MAD1L1: variants seen among roughly 807,000 people sequenced by gnomAD.
The protein encoded by MAD1L1 is mitotic spindle assembly checkpoint protein MAD1.
In MAD1L1, 95 loss-of-function variants were observed where a neutral mutation model predicts 96.9. The observed-to-expected ratio is 0.98, with a 90% CI of 0.83 to 1.16. MAD1L1 has a LOEUF of 1.16. MAD1L1 is among the 50% of genes most tolerant of loss of function. MAD1L1 has a pLI of 0.00. For synonymous variants in MAD1L1, 473 were observed against 396.6 expected, an observed-to-expected ratio of 1.19 and a Z score of -2.29; for missense variants, 1,007 against 954.4, an observed-to-expected ratio of 1.06 and a Z score of -0.73.
intron 10 of MAD1L1, among the ~76,000 whole-genome samples, chr7:2,167,465 C>T (rs1003943539): frequency 3.3e-5 from 5 of 152,050 alleles, no homozygotes; most frequent in African/African-American, 9.7e-5. Context: ...AGGAGAATGG[C>T]GTGAACCCGG....
Position 1,871,477 on chromosome 7 carries a change from G to A in MAD1L1, c.1998+26723C>T, listed in dbSNP as rs547591691. On this transcript the variant is annotated intron_variant, in intron 18 of 18. Transcript: ENST00000265854. ...GCTGAACCCAACATATGCCTGCCAC[G>A]CTGAACCCAACCTACGCCTGCCACG... Among the ~76,000 whole-genome samples the A allele has an allele frequency of 3.4e-3, 472 of 137,428 alleles. 3 individuals are homozygous for A. Among genetic ancestry groups the A allele is most frequent in the Middle Eastern group, 0.014 (3 of 222 alleles). The allele number at this position is 137,428 out of a possible 152,430, so 90.2% of individuals were successfully genotyped here.
intron 18 of MAD1L1, among the ~76,000 whole-genome samples, chr7:1,871,607 G>A (rs985585539): frequency 6.0e-5 from 8 of 133,400 alleles, no homozygotes; most frequent in Admixed American, 1.6e-4. Context: ...CTGCCACGCC[G>A]AACCCACCAT....
chr7:1,989,623 G>A (rs189473757), intron 14 of MAD1L1, among the ~76,000 whole-genome samples: 10 of 152,272 alleles, frequency 6.6e-5, no homozygotes, highest in African/African-American at 2.4e-4. Flanking sequence ...CAGACGTCCC[G>A]GCAGCGCTCC....
intron 10 of MAD1L1, among the ~76,000 whole-genome samples, chr7:2,156,844 AGAAAAG>A (rs1176344039): frequency 1.4e-4 from 22 of 151,944 alleles, no homozygotes; most frequent in African/African-American, 5.3e-4. Flanking sequence ...AAAGAAAGAA[AGAAAAG>A]GAAAAGAAAA....
At chr7:1,909,375 C>A (rs985600851) in intron 17 of MAD1L1, among the ~76,000 whole-genome samples, 4 of 152,230 alleles carry the variant, frequency 2.6e-5, no homozygotes, top group African/African-American at 9.6e-5. Flanking sequence ...GTTTTGCAAG[C>A]TTCTAAACTA....
intron 11 of MAD1L1, among the ~76,000 whole-genome samples, chr7:2,087,374 T>C (rs1002242531): frequency 1.3e-4 from 20 of 152,126 alleles, no homozygotes; most frequent in African/African-American, 4.6e-4. Flanking sequence ...ACCCTGTCTC[T>C]ACTAAGAATA....
At chr7:2,034,532 T>A (rs1783380239) in intron 12 of MAD1L1, among the ~76,000 whole-genome samples, 1 of 152,192 alleles carries the variant, frequency 6.6e-6, no homozygotes, top group Admixed American at 6.5e-5. Context: ...TTACTTTTGG[T>A]ATGTCTACAC....
Position 2,215,640 on chromosome 7 carries a change from G to A in MAD1L1, c.924+245C>T, listed in dbSNP as rs75822282. Among the ~76,000 whole-genome samples, 7 of 152,268 alleles carry A rather than the reference G, an allele frequency of 4.6e-5. No homozygotes were observed. The East Asian group carries it at 1.4e-3, about 29-fold the overall frequency. The stretch of plus-strand genomic sequence containing the variant: ...CACTCTGAGCCCCCAGGATGGCCCA[G>A]GAGCCCCTCCCCGCCGTGGGCCAGC... On this transcript the variant is annotated intron_variant, in intron 9 of 18. Coordinates refer to ENST00000265854, the MANE Select transcript of MAD1L1 (RefSeq NM_001013836.2).
At chr7:2,229,282 A>T (rs1374667272) in intron 3 of MAD1L1, among the ~76,000 whole-genome samples, 1 of 151,914 alleles carries the variant, frequency 6.6e-6, no homozygotes, top group Non-Finnish European at 1.5e-5. Context: ...AAGGCTGGAG[A>T]CACTACTAGC....
At chr7:1,854,307 G>T (rs1257389145) in intron 18 of MAD1L1, 1 of 449,794 alleles carries the variant, frequency 2.2e-6, no homozygotes, top group Non-Finnish European at 4.5e-6. Context: ...CCAGCAGCGA[G>T]CGGACGTCCT....
chr7:1,873,418 G>A (rs149350603), intron 18 of MAD1L1, among the ~76,000 whole-genome samples: 3 of 152,156 alleles, frequency 2.0e-5, no homozygotes, highest in Non-Finnish European at 4.4e-5. Flanking sequence ...GGTGGCATTT[G>A]GGCTGAGTCC....
chr7:2,150,776 A>T (rs1789533695), intron 10 of MAD1L1, among the ~76,000 whole-genome samples: 1 of 152,170 alleles, frequency 6.6e-6, no homozygotes, highest in Non-Finnish European at 1.5e-5. Flanking sequence ...CTCTGACCAC[A>T]GCCAATTCAC....
chr7:1,882,314 G>A (rs973504009), intron 18 of MAD1L1, among the ~76,000 whole-genome samples: 1 of 152,232 alleles, frequency 6.6e-6, no homozygotes, highest in African/African-American at 2.4e-5. Flanking sequence ...CAACAAGATG[G>A]GACGTGAAGT....
chr7:1,937,597 C>G (rs1482651961), intron 16 of MAD1L1, among the ~76,000 whole-genome samples: 1 of 151,018 alleles, frequency 6.6e-6, no homozygotes, highest in African/African-American at 2.5e-5. Flanking sequence ...CAGCAGGGAA[C>G]AGCCGCCCAC....
intron 11 of MAD1L1, among the ~76,000 whole-genome samples, chr7:2,117,744 C>T (rs1584364777): frequency 6.6e-6 from 1 of 152,296 alleles, no homozygotes; most frequent in South Asian, 2.1e-4. Context: ...TTATAAATCA[C>T]CGAGTCTCGG....
intron 11 of MAD1L1, among the ~76,000 whole-genome samples, chr7:2,096,699 T>G (rs1786508446): frequency 6.6e-6 from 1 of 152,142 alleles, no homozygotes. Flanking sequence ...CCTTCCTGCA[T>G]GTGTCTCAGG....
At chr7:2,153,116 A>G (rs1198252551) in intron 10 of MAD1L1, among the ~76,000 whole-genome samples, 1 of 152,150 alleles carries the variant, frequency 6.6e-6, no homozygotes, top group South Asian at 2.1e-4. Context: ...ACTTCAGGAC[A>G]TTGGTCTAGG....
intron 11 of MAD1L1, among the ~76,000 whole-genome samples, chr7:2,124,643 G>A (rs944351807): frequency 6.6e-6 from 1 of 152,172 alleles, no homozygotes; most frequent in Non-Finnish European, 1.5e-5. Flanking sequence ...AGGAGCGTAT[G>A]GGGCTCCACG....
At chr7:1,885,929 G>A (rs926511881) in intron 18 of MAD1L1, among the ~76,000 whole-genome samples, 1 of 152,236 alleles carries the variant, frequency 6.6e-6, no homozygotes, top group African/African-American at 2.4e-5. Flanking sequence ...CCCCAGCCCT[G>A]GGGGCCACAC....
Sources: allele counts gnomAD v4.1 joint callset (sites outside exome capture counted in the v4.1 genomes callset), GRCh38; gene constraint gnomAD v4.1.1; transcripts MANE v1.5; gene names NCBI Gene and HGNC (gene_info 2026-07-23, HGNC 2026-07-21).